GRM5: variants seen among roughly 807,000 people sequenced by gnomAD.
GRM5 encodes metabotropic glutamate receptor 5.
Under a neutral mutation model 83.1 loss-of-function variants are expected in GRM5, and 19 were observed. The observed-to-expected ratio is 0.23, with a 90% confidence interval of 0.16 to 0.34. The LOEUF (loss-of-function observed/expected upper bound fraction) is 0.34. GRM5 is among the 10% of genes least tolerant of loss of function. GRM5 has a pLI of 1.00. For synonymous variants in GRM5, 675 were observed against 633.6 expected (o/e 1.07, Z -0.98); for missense variants, 1,160 against 1,588.3 (o/e 0.73, Z 4.58).
At chr11:88,734,690 T>C (rs1941876489) in intron 3 of GRM5, among the ~76,000 whole-genome samples, 2 of 152,082 alleles carry the variant, frequency 1.3e-5, no homozygotes, top group Admixed American at 1.3e-4. Flanking sequence ...TTACAGAATA[T>C]TTTCATCATT....
At chr11:88,713,854 A>C (rs1269720627) in intron 3 of GRM5, among the ~76,000 whole-genome samples, 1 of 151,916 alleles carries the variant, frequency 6.6e-6, no homozygotes, top group Non-Finnish European at 1.5e-5. Flanking sequence ...AATTTCCCAA[A>C]ATTTTGATTG....
At chr11:88,983,303 G>C (rs1057202618) in intron 2 of GRM5, among the ~76,000 whole-genome samples, 16 of 152,068 alleles carry the variant, frequency 1.1e-4, no homozygotes, top group Non-Finnish European at 1.9e-4. Flanking sequence ...TGTCTCCTTA[G>C]TTGTTTCTCA....
At chr11:88,512,421 A>G (rs892244507) in intron 9 of GRM5, 2 of 154,408 alleles carry the variant, frequency 1.3e-5, no homozygotes, top group Middle Eastern at 5.1e-4. Context: ...CTCTTAAGAA[A>G]AAAAACAAAA....
At chr11:88,776,044 A>G (rs1406820630) in intron 3 of GRM5, among the ~76,000 whole-genome samples, 1 of 152,116 alleles carries the variant, frequency 6.6e-6, no homozygotes, top group Non-Finnish European at 1.5e-5. Context: ...GTGGGGTGTT[A>G]AAGTCTCCCA....
At chr11:88,833,750 G>A (rs536104361) in intron 3 of GRM5, among the ~76,000 whole-genome samples, 132 of 152,220 alleles carry the variant, frequency 8.7e-4, no homozygotes, top group Non-Finnish European at 1.5e-3. Flanking sequence ...GTTAAGAAAT[G>A]TGGTATATGT....
At chr11:88,900,628 T>C (rs1308788647) in intron 2 of GRM5, among the ~76,000 whole-genome samples, 1 of 152,150 alleles carries the variant, frequency 6.6e-6, no homozygotes, top group African/African-American at 2.4e-5. Flanking sequence ...CTCATATTAA[T>C]TGTAATAAAT....
At chr11:89,060,040 C>A (rs1467810687) in intron 1 of GRM5, among the ~76,000 whole-genome samples, 1 of 152,042 alleles carries the variant, frequency 6.6e-6, no homozygotes, top group Non-Finnish European at 1.5e-5. Context: ...GATTCAAACC[C>A]AGGCAATTTG....
At chr11:88,525,184 A>C in intron 9 of GRM5, 125 bp downstream of exon 9, 1 of 669,038 alleles carries the variant, frequency 1.5e-6, no homozygotes, top group Non-Finnish European at 2.7e-6. Flanking sequence ...AACCAGTAGT[A>C]GCCTGGGTTG....
At chr11:88,618,055 GC>G (rs1172857601) in intron 4 of GRM5, among the ~76,000 whole-genome samples, 6 of 152,170 alleles carry the variant, frequency 3.9e-5, no homozygotes, top group Non-Finnish European at 8.8e-5. Context: ...ATGGAACAAT[GC>G]CCAGGGCTAA....
intron 4 of GRM5, among the ~76,000 whole-genome samples, chr11:88,621,056 C>A (rs1035152161): frequency 2.6e-5 from 4 of 152,170 alleles, no homozygotes; most frequent in Non-Finnish European, 5.9e-5. Context: ...GATACCATAT[C>A]TCTCATTCAC....
At chr11:88,708,309 TA>T (rs1194198089) in intron 3 of GRM5, among the ~76,000 whole-genome samples, 1 of 152,094 alleles carries the variant, frequency 6.6e-6, no homozygotes, top group African/African-American at 2.4e-5. Context: ...AGAGTTGATC[TA>T]AAAGGCTGAA....
chr11:88,859,004 A>C (rs1388365220), intron 2 of GRM5, among the ~76,000 whole-genome samples: 5 of 152,070 alleles, frequency 3.3e-5, no homozygotes, highest in African/African-American at 1.2e-4. Flanking sequence ...ATAGCTCACA[A>C]AGACAATGAA....
chr11:88,905,422 C>T (rs1489822912), intron 2 of GRM5, among the ~76,000 whole-genome samples: 1 of 152,160 alleles, frequency 6.6e-6, no homozygotes, highest in African/African-American at 2.4e-5. Flanking sequence ...CAGCTCACTG[C>T]AGCCTCTGCC....
chr11:88,784,464 C>T (rs377459976), intron 3 of GRM5, among the ~76,000 whole-genome samples: 2 of 152,072 alleles, frequency 1.3e-5, no homozygotes, highest in Admixed American at 6.6e-5. Context: ...TTTAATCATG[C>T]AAGTAATTTT....
chr11:88,998,091 G>A (rs1410043181), intron 2 of GRM5, among the ~76,000 whole-genome samples: 2 of 151,302 alleles, frequency 1.3e-5, no homozygotes, highest in Non-Finnish European at 2.9e-5. Flanking sequence ...AAGAGAGAGA[G>A]AGGAGAAGCG....
intron 3 of GRM5, among the ~76,000 whole-genome samples, chr11:88,789,565 T>G (rs1943133726): frequency 2.0e-5 from 3 of 152,170 alleles, no homozygotes; most frequent in African/African-American, 7.2e-5. Context: ...TTATAAACAT[T>G]CCTAAAATCC....
chr11:88,635,098 C>T (rs1054112714), intron 4 of GRM5, among the ~76,000 whole-genome samples: 4 of 152,180 alleles, frequency 2.6e-5, no homozygotes, highest in African/African-American at 7.2e-5. Context: ...ATTATTTCCA[C>T]CTCTTGGCTA....
intron 2 of GRM5, among the ~76,000 whole-genome samples, chr11:88,861,627 A>G (rs1413017092): frequency 5.3e-5 from 8 of 151,858 alleles, no homozygotes; most frequent in Non-Finnish European, 8.8e-5. Flanking sequence ...TACCACACCC[A>G]GATAATTTTT....
chr11:88,718,082 T>C lies in GRM5; in HGVS notation c.912-64679A>G, dbSNP rs552347162. Among the ~76,000 whole-genome samples the C allele has an allele frequency of 8.6e-5, 13 of 151,966 alleles. No homozygotes were observed. The South Asian group carries it at 2.7e-3, about 32-fold the overall frequency. ...ATGGCTGAGTTACCATACAAGATCC[T>C]TTGTAGTCTAGCCCCTGGCTACCTT... On this transcript the variant is annotated intron_variant, in intron 3 of 9. Coordinates refer to ENST00000305447, the MANE Select transcript of GRM5 (RefSeq NM_001143831.3).
Sources: gnomAD v4.1 joint callset for allele counts (sites outside exome capture counted in the v4.1 genomes callset) on GRCh38, gnomAD v4.1.1 for gene constraint, MANE v1.5 for transcripts, NCBI Gene and HGNC (gene_info 2026-07-23, HGNC 2026-07-21) for gene names.